P4HA3: variants seen among roughly 807,000 people sequenced by gnomAD.
P4HA3 encodes the protein prolyl 4-hydroxylase subunit alpha-3.
P4HA3 carries 60 observed loss-of-function variants against 66.7 expected under a neutral mutation model. The ratio of observed to expected loss-of-function variants is 0.90; its 90% CI spans 0.73 to 1.12. The LOEUF (loss-of-function observed/expected upper bound fraction) is 1.12. Ranked by LOEUF, P4HA3 falls within the 50% of genes most tolerant of loss-of-function variation. The probability of loss-of-function intolerance (pLI) is 0.00; values close to 1 mark genes in which losing one functional copy is unlikely to be tolerated. For synonymous variants in P4HA3, 263 were observed against 274.6 expected, an observed-to-expected ratio of 0.96 and a Z score of 0.42; for missense variants, 683 against 685.8, an observed-to-expected ratio of 1.00 and a Z score of 0.05.
chr11:74,257,071 G>A (rs541722337), intron 15 of P4HA3, among the ~76,000 whole-genome samples: 5 of 152,246 alleles, frequency 3.3e-5, no homozygotes, highest in Non-Finnish European at 7.4e-5. Context: ...GGTTGGGGGT[G>A]GGCAGTAACT....
intron 7 of P4HA3, chr11:74,285,321 G>A (rs1451544943): frequency 6.6e-6 from 1 of 152,320 alleles, no homozygotes; most frequent in East Asian, 1.9e-4. Flanking sequence ...AAATAATGAA[G>A]TTTAGCTTTC....
At chr11:74,290,536 T>A (rs1030712027) in intron 4 of P4HA3, among the ~76,000 whole-genome samples, 7 of 151,694 alleles carry the variant, frequency 4.6e-5, no homozygotes, top group Non-Finnish European at 1.0e-4. Context: ...ATGTCCTGAA[T>A]GGTATTGCCT....
intron 7 of P4HA3, among the ~76,000 whole-genome samples, chr11:74,281,924 AAT>A (rs869292310): frequency 7.0e-5 from 10 of 143,650 alleles, no homozygotes; most frequent in Admixed American, 2.1e-4. Context: ...AAAAATAAAA[AAT>A]AAATAAAATG....
intron 6 of P4HA3, 90 bp downstream of exon 6, chr11:74,286,138 A>G: frequency 6.6e-7 from 1 of 1,510,634 alleles, no homozygotes. Flanking sequence ...TTTTTAATGC[A>G]TCAGCTCTAT....
chr11:74,254,406 C>T (rs2135690509), intron 15 of P4HA3: 2 of 153,004 alleles, frequency 1.3e-5, no homozygotes, highest in South Asian at 4.1e-4. Context: ...GATTTCACAT[C>T]ACTCCACACA....
At chr11:74,281,425 G>A (rs1042473957) in intron 7 of P4HA3, among the ~76,000 whole-genome samples, 6 of 152,144 alleles carry the variant, frequency 3.9e-5, no homozygotes, top group South Asian at 4.1e-4. Context: ...ACATGCACAC[G>A]TATGTTTATT....
chr11:74,250,909 G>A, intron 15 of P4HA3: 5 of 1,499,620 alleles, frequency 3.3e-6, no homozygotes, highest in Non-Finnish European at 3.7e-6. Context: ...CATAAGAGAG[G>A]GCTCTTTTAG....
intron 4 of P4HA3, among the ~76,000 whole-genome samples, chr11:74,291,468 ACT>A: frequency 1.3e-5 from 2 of 152,186 alleles, no homozygotes; most frequent in African/African-American, 4.8e-5. Context: ...CCTGGCCAGA[ACT>A]TCCAACACTA....
At chr11:74,308,793 G>A (rs1425148043) in intron 1 of P4HA3, among the ~76,000 whole-genome samples, 4 of 151,944 alleles carry the variant, frequency 2.6e-5, no homozygotes, top group Non-Finnish European at 5.9e-5. Flanking sequence ...AAGCATAAAG[G>A]CTTAGCATTT....
In P4HA3 at chr11:74,285,796, T is replaced by C. The variant is rs765777252; in HGVS notation, c.1110+13A>G. 2 of 1,611,854 alleles carry C rather than the reference T, an allele frequency of 1.2e-6. No individual in the cohort carries two copies. Among genetic ancestry groups the C allele is most frequent in the South Asian group, 2.2e-5 (2 of 90,918 alleles). ...TGAAAGAGAAATTCTTGGCGGGTTCTCAGGACACTCACCCATGGTTCTGCA... is the reference window on the plus strand; with the variant it reads ...TGAAAGAGAAATTCTTGGCGGGTTCCCAGGACACTCACCCATGGTTCTGCA... On this transcript the variant is annotated intron_variant, in intron 7 of 12. Coordinates refer to ENST00000331597, the MANE Select transcript of P4HA3 (RefSeq NM_182904.5).
At chr11:74,311,348 C>A in intron 1 of P4HA3, 64 bp downstream of exon 1, 4 of 1,406,996 alleles carry the variant, frequency 2.8e-6, no homozygotes, top group Non-Finnish European at 3.7e-6. Context: ...CTGAGTCACC[C>A]CACCCTGCGG....
intron 4 of P4HA3, among the ~76,000 whole-genome samples, chr11:74,293,317 C>T (rs1020864779): frequency 1.4e-4 from 21 of 152,210 alleles, no homozygotes; most frequent in African/African-American, 4.3e-4. Flanking sequence ...TCCTCCATCC[C>T]TTTATTTTGA....
At chr11:74,304,043 T>A (rs1861500081) in intron 2 of P4HA3, among the ~76,000 whole-genome samples, 1 of 152,194 alleles carries the variant, frequency 6.6e-6, no homozygotes. Flanking sequence ...AGGATTGTAG[T>A]GAACATCAAA....
At chr11:74,277,492 A>G (rs1591100201) in intron 8 of P4HA3, among the ~76,000 whole-genome samples, 1 of 152,182 alleles carries the variant, frequency 6.6e-6, no homozygotes, top group East Asian at 1.9e-4. Flanking sequence ...GAGAAATGTG[A>G]CGAGTCCCTG....
chr11:74,288,948 CA>C (rs36086552), intron 5 of P4HA3, 130 bp downstream of exon 5: 35,621 of 358,206 alleles, frequency 0.099, 793 homozygotes, highest in African/African-American at 0.29. Flanking sequence ...GATGCCATCT[CA>C]AAAAAAAAAA....
At chr11:74,281,830 T>C (rs1003841701) in intron 7 of P4HA3, among the ~76,000 whole-genome samples, 1 of 151,214 alleles carries the variant, frequency 6.6e-6, no homozygotes, top group Non-Finnish European at 1.5e-5. Flanking sequence ...CGTATGTAAC[T>C]AACCTGCACA....
At chr11:74,260,469 T>C (rs1859889711) in intron 14 of P4HA3, among the ~76,000 whole-genome samples, 1 of 152,168 alleles carries the variant, frequency 6.6e-6, no homozygotes, top group Non-Finnish European at 1.5e-5. Context: ...TTTCTCACAA[T>C]TGGGAGGGGG....
At chr11:74,255,917 CG>C (rs771106658) in intron 15 of P4HA3, 10 of 516,178 alleles carry the variant, frequency 1.9e-5, no homozygotes, top group African/African-American at 3.9e-5. Context: ...TTTCTCTCAC[CG>C]GAACACTTTG....
chr11:74,290,629 T>C (rs1591119186), intron 4 of P4HA3, among the ~76,000 whole-genome samples: 1 of 151,992 alleles, frequency 6.6e-6, no homozygotes. Flanking sequence ...GTATAAGGTG[T>C]AAGGAAGGGA....
Sources: allele counts gnomAD v4.1 joint callset (sites outside exome capture counted in the v4.1 genomes callset), GRCh38; gene constraint gnomAD v4.1.1; transcripts MANE v1.5; gene names NCBI Gene and HGNC (gene_info 2026-07-23, HGNC 2026-07-21).